The following KIAA0930 variants were observed in gnomAD, a reference collection of about 807,000 sequenced individuals.
KIAA0930 encodes KIAA0930.
In KIAA0930, 24 loss-of-function variants were observed where a neutral mutation model predicts 43.9. The observed-to-expected ratio is 0.55, with a 90% CI of 0.40 to 0.77. KIAA0930 has a LOEUF of 0.77. Ranked by LOEUF, KIAA0930 falls within the 30% of genes least tolerant of loss-of-function variation. The probability of loss-of-function intolerance (pLI) is 0.00; values close to 1 mark genes in which losing one functional copy is unlikely to be tolerated. For missense variants in KIAA0930, 461 were observed against 574.2 expected (o/e 0.80, Z 2.02); for synonymous variants, 259 against 216.4 (o/e 1.20, Z -1.73).
At chr22:45,201,932 T>G (rs2083592712) in intron 7 of KIAA0930, among the ~76,000 whole-genome samples, 1 of 152,222 alleles carries the variant, frequency 6.6e-6, no homozygotes, top group South Asian at 2.1e-4. Flanking sequence ...CAACAGCAAC[T>G]ACTGCAGCTG....
intron 7 of KIAA0930, chr22:45,200,310 C>G: frequency 2.5e-6 from 1 of 401,578 alleles, no homozygotes; most frequent in Non-Finnish European, 4.4e-6. Context: ...CCCCCCTCCT[C>G]TGGGCCTCAA....
chr22:45,212,522 C>T, intron 1 of KIAA0930: 1 of 1,411,098 alleles, frequency 7.1e-7, no homozygotes. Context: ...CAACATCTCT[C>T]ACCCCCACCC....
chr22:45,197,644 C>A, intron 9 of KIAA0930, 146 bp downstream of exon 9: 1 of 778,476 alleles, frequency 1.3e-6, no homozygotes, highest in Admixed American at 2.6e-5. Flanking sequence ...AAGTCTGAGA[C>A]AAAGAGGCCA....
chr22:45,202,317 G>C (rs1195226935), intron 7 of KIAA0930, among the ~76,000 whole-genome samples: 1 of 152,272 alleles, frequency 6.6e-6, no homozygotes, highest in East Asian at 1.9e-4. Flanking sequence ...CAAAGCTGCT[G>C]CTGACCTCAG....
At chr22:45,202,952 C>A in intron 7 of KIAA0930, 38 bp downstream of exon 7, 1 of 1,529,912 alleles carries the variant, frequency 6.5e-7, no homozygotes, top group Non-Finnish European at 8.8e-7. Context: ...GTGAACTTGA[C>A]GGATGGGAGC....
chr22:45,208,604 T>C (rs915711007), intron 2 of KIAA0930, among the ~76,000 whole-genome samples: 1 of 151,574 alleles, frequency 6.6e-6, no homozygotes, highest in Non-Finnish European at 1.5e-5. Flanking sequence ...CAGGGGGAGG[T>C]TGAGCCCTGG....
At chr22:45,201,552 T>C (rs1439039949) in intron 7 of KIAA0930, among the ~76,000 whole-genome samples, 1 of 152,182 alleles carries the variant, frequency 6.6e-6, no homozygotes, top group Non-Finnish European at 1.5e-5. Flanking sequence ...CACACACATT[T>C]TGTCAGAGTC....
At chr22:45,225,694 C>A (rs978276818) in intron 1 of KIAA0930, among the ~76,000 whole-genome samples, 1 of 152,234 alleles carries the variant, frequency 6.6e-6, no homozygotes, top group Middle Eastern at 3.2e-3. Flanking sequence ...TTTGCAGTCA[C>A]CCCCTCGGGG....
chr22:45,205,106 G>A (rs1387466779), intron 5 of KIAA0930, 111 bp downstream of exon 5: 3 of 834,734 alleles, frequency 3.6e-6, no homozygotes, highest in African/African-American at 1.7e-5. Context: ...GACTCTTCCC[G>A]GCTCCAAGCC....
At chr22:45,233,358 G>A (rs2083866309) in intron 1 of KIAA0930, among the ~76,000 whole-genome samples, 1 of 152,112 alleles carries the variant, frequency 6.6e-6, no homozygotes, top group Non-Finnish European at 1.5e-5. Context: ...AAGGAGTGGA[G>A]GCTGAGGTTC....
In KIAA0930 at chr22:45,194,242, T is replaced by C. The variant is rs1306701098; in HGVS notation, c.*2934A>G. 2 of 151,038 alleles carry C rather than the reference T, an allele frequency of 1.3e-5. No individual in the cohort carries two copies. Among genetic ancestry groups the C allele is most frequent in the Non-Finnish European group, 2.9e-5 (2 of 67,902 alleles). The allele number at this position is 151,038 out of a possible 1,614,324, so 9.4% of individuals were successfully genotyped here. On this transcript the variant is annotated 3_prime_UTR_variant, in exon 10 of 10. Transcript: ENST00000336156. ...GGTGCCTGCCACCATGTCCAGCTAA[T>C]TTTTCTATCTTTAGTAGACATGGGG...
chr22:45,213,789 C>T (rs1851203466), intron 1 of KIAA0930, among the ~76,000 whole-genome samples: 2 of 152,130 alleles, frequency 1.3e-5, no homozygotes, highest in South Asian at 4.1e-4. Context: ...GTGGGTGGAT[C>T]ACCTGAGGTC....
intron 1 of KIAA0930, chr22:45,236,227 C>T (rs28535216): frequency 0.014 from 2,100 of 152,596 alleles, 29 homozygotes; most frequent in Middle Eastern, 0.034. Context: ...GAAGGAAACG[C>T]GGCAGGTGTT....
Position 45,217,927 on chromosome 22 carries a change from G to A in KIAA0930, c.65-5820C>T, listed in dbSNP as rs536655577. ...AACTGGAAGAGCCCTTTCCAGGTGAGTGACTCCAGGGACTAGCAGGGGAGA... is the reference window on the plus strand; with the variant it reads ...AACTGGAAGAGCCCTTTCCAGGTGAATGACTCCAGGGACTAGCAGGGGAGA... On this transcript the variant is annotated intron_variant, in intron 1 of 9. Transcript: ENST00000336156. Among the ~76,000 whole-genome samples, 5 of 152,306 alleles carry A rather than the reference G, an allele frequency of 3.3e-5. No homozygotes were observed. In the South Asian group the frequency reaches 8.3e-4, roughly 25 times the overall value.
chr22:45,205,191 GGA>G, intron 5 of KIAA0930, 24 bp downstream of exon 5: 1 of 1,571,032 alleles, frequency 6.4e-7, no homozygotes, highest in Middle Eastern at 1.7e-4. Flanking sequence ...GGGAAGCTAA[GGA>G]GAGAGGCCCT....
At position 45,240,630 on chromosome 22, in the gene KIAA0930, T is replaced by A; in HGVS notation, c.64+10A>T. ...CTCCCGGCCCGGCCTCGCCCCCGGG[T>A]CCCACTCACCGAGGCCGCAGACCTC... On this transcript the variant is annotated intron_variant, in intron 1 of 9. Transcript: ENST00000336156. 6.6e-7 allele frequency: 1 copy of A among 1,517,034 alleles called. No individual in the cohort carries two copies. Among genetic ancestry groups the A allele is most frequent in the Non-Finnish European group, 8.8e-7 (1 of 1,136,784 alleles). The allele number at this position is 1,517,034 out of a possible 1,614,324, so 94.0% of individuals were successfully genotyped here. A position where few individuals can be genotyped will look rare whatever the true frequency, so the allele number is the denominator to read the frequency against.
intron 1 of KIAA0930, among the ~76,000 whole-genome samples, chr22:45,232,147 C>T (rs1430668989): frequency 6.6e-6 from 1 of 152,154 alleles, no homozygotes; most frequent in Non-Finnish European, 1.5e-5. Context: ...AGGCCTGGTC[C>T]CCCTCTGTAA....
rs535008416 is a variant in KIAA0930 at position 45,240,171 on chromosome 22, G to A, written c.64+469C>T. ...GGAAAGACAAAGGCTTCGGGTAGCA[G>A]GAGACAGTGGCCAGGGCACGCTCGC... On this transcript the variant is annotated intron_variant, in intron 1 of 9. Coordinates refer to ENST00000336156, the MANE Select transcript of KIAA0930 (RefSeq NM_001009880.2). Among the ~76,000 whole-genome samples, 3 of 152,358 alleles carry A rather than the reference G, an allele frequency of 2.0e-5. No homozygotes were observed. The South Asian group carries it at 6.2e-4, about 32-fold the overall frequency.
intron 2 of KIAA0930, among the ~76,000 whole-genome samples, chr22:45,210,044 A>C (rs552735328): frequency 6.6e-6 from 1 of 152,186 alleles, no homozygotes; most frequent in East Asian, 1.9e-4. Flanking sequence ...CAGGGTGCAC[A>C]CAACCCGTCC....
Sources: gnomAD v4.1 joint callset for allele counts (sites outside exome capture counted in the v4.1 genomes callset) on GRCh38, gnomAD v4.1.1 for gene constraint, MANE v1.5 for transcripts, NCBI Gene and HGNC (gene_info 2026-07-23, HGNC 2026-07-21) for gene names.